GLI4: variants seen among roughly 807,000 people sequenced by gnomAD.
GLI4 encodes the protein GLI family zinc finger 4.
In GLI4, 34 loss-of-function variants were observed where a neutral mutation model predicts 30.9. That is an observed-to-expected ratio of 1.10 (90% CI 0.84 to 1.47). GLI4 has a LOEUF of 1.47. Ranked by LOEUF, GLI4 falls within the 40% of genes most tolerant of loss-of-function variation. The pLI, the probability that GLI4 is intolerant of heterozygous loss-of-function variation, is 0.00. For missense variants in GLI4, 696 were observed against 538.9 expected (o/e 1.29, Z -2.89); for synonymous variants, 277 against 236.7 (o/e 1.17, Z -1.56).
rs7814376 is a variant in GLI4 at position 143,268,088 on chromosome 8, A to C, written c.-38+604A>C. The stretch of plus-strand genomic sequence containing the variant: ...GGGTGATCGAGCAGGCCCTTTTACC[A>C]GGTGTCCCCAGTAAGTTAACTAAGT... On this transcript the variant is annotated intron_variant, in intron 1 of 3. Coordinates refer to ENST00000340042, the MANE Select transcript of GLI4 (RefSeq NM_138465.4). 2.9e-3 allele frequency: 2,890 copies of C among 985,316 alleles called. 67 individuals carry two copies. In the African/African-American group the frequency reaches 0.047, roughly 16 times the overall value. The allele number at this position is 985,316 out of a possible 1,614,324, so 61.0% of individuals were successfully genotyped here. A position where few individuals can be genotyped will look rare whatever the true frequency, so the allele number is the denominator to read the frequency against.
At chr8:143,268,167 G>A (rs1815180125) in intron 1 of GLI4, 1 of 839,714 alleles carries the variant, frequency 1.2e-6, no homozygotes. Flanking sequence ...CCACCTACCT[G>A]GTGACCTGAC....
At position 143,276,705 on chromosome 8, in the gene GLI4, C is replaced by T. The variant is rs148293241; in HGVS notation, c.1032C>T (p.Thr344=). The change falls in exon 4 of 4, where the codon ACC becomes ACT. Residue 344 remains threonine, a synonymous_variant. Coordinates refer to ENST00000340042, the MANE Select transcript of GLI4 (RefSeq NM_138465.4). ...GRSHFFRHLR[T]HTGEKPFACG... is the part of the protein sequence containing the mutation. The stretch of plus-strand genomic sequence containing the variant: ...CGCACTTCTTCCGGCACCTGCGGAC[C>T]CACACGGGCGAGAAGCCCTTCGCGT... 18 of 1,611,080 alleles carry T rather than the reference C, an allele frequency of 1.1e-5. No homozygotes were observed. Among genetic ancestry groups the T allele is most frequent in the Non-Finnish European group, 1.5e-5 (18 of 1,179,284 alleles).
intron 2 of GLI4, chr8:143,274,460 G>T: frequency 2.8e-6 from 1 of 356,612 alleles, no homozygotes. Context: ...TCTGCTTACT[G>T]GGCTGAAGGG....
intron 3 of GLI4, chr8:143,275,243 T>G: frequency 6.6e-7 from 1 of 1,526,706 alleles, no homozygotes; most frequent in Non-Finnish European, 8.8e-7. Flanking sequence ...CCCCTGCACC[T>G]CCCCCTTGAG....
rs753877902 is a variant in GLI4, at chr8:143,276,000, C to T, written c.327C>T (p.Arg109=). The change falls in exon 4 of 4, where the codon CGC becomes CGT. Residue 109 remains arginine, a synonymous_variant. Transcript: ENST00000340042. The part of the protein sequence containing the change: ...ALRSLLRSLP[R]RARCSAGFGP... ...GCAGCCTCCTGAGGAGCCTTCCCCGCAGGGCCCGGTGCAGCGCCGGCTTCG... is the reference window on the plus strand; with the variant it reads ...GCAGCCTCCTGAGGAGCCTTCCCCGTAGGGCCCGGTGCAGCGCCGGCTTCG... 2.8e-6 allele frequency: 4 copies of T among 1,409,026 alleles called. No individual in the cohort carries two copies. The South Asian group carries it at 4.5e-5, about 16-fold the overall frequency. 87.3% of individuals were successfully genotyped at this position (1,409,026 alleles called of 1,614,324 possible).
At chr8:143,269,566 C>T in intron 2 of GLI4, 46 bp downstream of exon 2, 1 of 1,505,486 alleles carries the variant, frequency 6.6e-7, no homozygotes, top group Non-Finnish European at 9.2e-7. Flanking sequence ...CATCCCCTGC[C>T]CTCACGTCCC....
chr8:143,275,994 T>C lies in GLI4; in HGVS notation c.321T>C (p.Leu107=). The C allele has an allele frequency of 1.4e-6, 2 of 1,403,284 alleles. No individual in the cohort carries two copies. The highest frequency in any genetic ancestry group is 1.5e-5 in the South Asian group (1 of 64,972). The allele number at this position is 1,403,284 out of a possible 1,614,324, so 86.9% of individuals were successfully genotyped here. The change falls in exon 4 of 4, where the codon CTT becomes CTC. Residue 107 remains leucine, a synonymous_variant. Transcript: ENST00000340042. ...GGALRSLLRS[L]PRRARCSAGF... The stretch of plus-strand genomic sequence containing the variant: ...CGCTGCGCAGCCTCCTGAGGAGCCT[T>C]CCCCGCAGGGCCCGGTGCAGCGCCG...
chr8:143,275,013 G>A (rs765302860), intron 3 of GLI4: 70 of 1,515,104 alleles, frequency 4.6e-5, no homozygotes, highest in Non-Finnish European at 6.0e-5. Context: ...GGTGACTGCA[G>A]CCCACAGCCA....
At chr8:143,270,952 G>A (rs1484751684) in intron 2 of GLI4, among the ~76,000 whole-genome samples, 2 of 152,106 alleles carry the variant, frequency 1.3e-5, no homozygotes, top group East Asian at 1.9e-4. Flanking sequence ...AGGGGCCTGG[G>A]GCCAGGCCCC....
rs1407985399 is a variant in GLI4 at position 143,276,764 on chromosome 8, C to T, written c.1091C>T (p.Ser364Phe). ...TGCGGCAAGGCCTTCGGCCAGAGCT[C>T]CCAGCTCATCCAGCACCAGCGGGTG... ...GACGKAFGQS[S>F]QLIQHQRVHY... The change falls in exon 4 of 4, where the codon TCC becomes TTC. Residue 364 changes from serine to phenylalanine, a missense_variant. Ser to Phe is a radical substitution (Grantham distance 155, BLOSUM62 -2). Transcript: ENST00000340042. 1.9e-6 allele frequency: 3 copies of T among 1,599,730 alleles called. No individual in the cohort carries two copies. In the Admixed American group the frequency reaches 5.1e-5, roughly 27 times the overall value.
At chr8:143,267,860 C>T in intron 1 of GLI4, 1 of 985,456 alleles carries the variant, frequency 1.0e-6, no homozygotes, top group Non-Finnish European at 1.2e-6. Flanking sequence ...CGGGCGGACG[C>T]GCTCTGTGCC....
chr8:143,269,234 C>T, intron 1 of GLI4, 126 bp from the exon 2 acceptor site: 1 of 723,694 alleles, frequency 1.4e-6, no homozygotes, highest in East Asian at 2.5e-5. Flanking sequence ...ATCCTCCATC[C>T]TTGCTCCTCC....
Position 143,269,359 on chromosome 8 carries a change from G to A in GLI4, c.-37-1G>A, listed in dbSNP as rs1269162014. The A allele has an allele frequency of 1.3e-6, 2 of 1,597,682 alleles. No individual in the cohort carries two copies. The highest frequency in any genetic ancestry group is 1.7e-6 in the Non-Finnish European group (2 of 1,170,444). On this transcript the variant is annotated splice_acceptor_variant, in intron 1 of 3. Transcript: ENST00000340042. LOFTEE classifies it low-confidence loss of function (5UTR_SPLICE). The stretch of plus-strand genomic sequence containing the variant: ...TCTGCCATGGTTTTCATTTTCCCCA[G>A]GTCCCAGGTGTGACACCTTCAGCAG...
At chr8:143,275,825 C>A in intron 3 of GLI4, 72 bp from the exon 4 acceptor site, 1 of 1,250,790 alleles carries the variant, frequency 8.0e-7, no homozygotes, top group South Asian at 3.5e-5. Flanking sequence ...TGCTCTCACT[C>A]CCCGTCCCCG....
intron 1 of GLI4, chr8:143,268,010 G>GT: frequency 1.0e-6 from 1 of 985,420 alleles, no homozygotes; most frequent in Non-Finnish European, 1.2e-6. Context: ...GTGAAGGGGC[G>GT]TCCACGCTGT....
At position 143,276,207 on chromosome 8, in the gene GLI4, G is replaced by A. The variant is rs778990941; in HGVS notation, c.534G>A (p.Arg178=). ...NFGRSRQGSA[R]GAKPHRCEAC... ...GTCGGAGCCGGCAGGGCAGCGCGCG[G>A]GGGGCCAAGCCGCACAGGTGCGAGG... is the stretch of plus-strand genomic sequence containing the variant. The change falls in exon 4 of 4, where the codon CGG becomes CGA. Residue 178 remains arginine (R), a synonymous_variant. Transcript: ENST00000340042. 1.9e-6 allele frequency: 3 copies of A among 1,577,544 alleles called. No individual in the cohort carries two copies. The highest frequency in any genetic ancestry group is 2.6e-6 in the Non-Finnish European group (3 of 1,162,654).
intron 2 of GLI4, among the ~76,000 whole-genome samples, chr8:143,271,675 T>TG (rs1196717046): frequency 2.0e-5 from 3 of 152,118 alleles, no homozygotes; most frequent in Non-Finnish European, 1.5e-5. Flanking sequence ...CAGGAGCCTC[T>TG]GGTGGGTGCG....
intron 1 of GLI4, chr8:143,267,799 A>G (rs2129655278): frequency 1.0e-6 from 1 of 985,246 alleles, no homozygotes; most frequent in Non-Finnish European, 1.2e-6. Flanking sequence ...TGAGGCCCGG[A>G]GGTCCCGCCG....
rs1422615407 is a variant in GLI4 at position 143,276,056 on chromosome 8, GCCAGCCGCCTGGGGCCGTCCCTTGCGC to G, written c.392_418del (p.Pro131_Pro139del). The G allele has an allele frequency of 7.3e-6, 10 of 1,363,168 alleles. No homozygotes were observed. The highest frequency in any genetic ancestry group is 5.6e-6 in the Non-Finnish European group (6 of 1,064,772). The allele number at this position is 1,363,168 out of a possible 1,614,324, so 84.4% of individuals were successfully genotyped here. On this transcript the variant is annotated inframe_deletion, in exon 4 of 4. Transcript: ENST00000340042. ...GAATCCAGCGCGGAGCGGCCGGCGG[GCCAGCCGCCTGGGGCCGTCCCTTGCGC>G]CCAGCCGCGGGGCGCCTGGCGCGTG...
Sources: gnomAD v4.1 joint callset for allele counts (sites outside exome capture counted in the v4.1 genomes callset) on GRCh38, gnomAD v4.1.1 for gene constraint, MANE v1.5 for transcripts, NCBI Gene and HGNC (gene_info 2026-07-23, HGNC 2026-07-21) for gene names.